Variants in EPHB3 observed in about 807,000 individuals in gnomAD.
EPHB3 encodes the protein ephrin type-B receptor 3.
Under a neutral mutation model 100.2 loss-of-function variants are expected in EPHB3, and 33 were observed. That is an observed-to-expected ratio of 0.33 (90% CI 0.25 to 0.44). The LOEUF (loss-of-function observed/expected upper bound fraction) is 0.44. Ranked by LOEUF, EPHB3 falls within the 20% of genes least tolerant of loss-of-function variation. The probability of loss-of-function intolerance (pLI) is 1.00; values close to 1 mark genes in which losing one functional copy is unlikely to be tolerated. For synonymous variants in EPHB3, 526 were observed against 554.7 expected, an observed-to-expected ratio of 0.95 and a Z score of 0.73; for missense variants, 1,045 against 1,378.3, an observed-to-expected ratio of 0.76 and a Z score of 3.83.
Position 184,581,125 on chromosome 3 carries a change from A to C in EPHB3, c.2692A>C (p.Asn898His). 6.2e-7 allele frequency: 1 copy of C among 1,614,186 alleles called. No individual in the cohort carries two copies. The highest frequency in any genetic ancestry group is 1.1e-5 in the South Asian group (1 of 91,084). The change falls in exon 14 of 16, where the codon AAT becomes CAT. Residue 898 changes from asparagine to histidine, a missense_variant. Transcript: ENST00000330394. ...CAATACCCTGGACAAGCTCATCCGC[A>C]ATGCTGCCAGCCTCAAGGTCATTGC... is the stretch of plus-strand genomic sequence containing the variant. ...IVNTLDKLIRNAASLKVIASA... is the reference protein window; with the variant it reads ...IVNTLDKLIRHAASLKVIASA...
chr3:184,577,558 C>A lies in EPHB3; in HGVS notation c.1479+91C>A. ...CATGATGGGGCCCTTGGGAGCAAGG[C>A]CTTGGGTATGGAGGGGGCATGTGGC... On this transcript the variant is annotated intron_variant, in intron 6 of 15. Transcript: ENST00000330394. The surrounding 1 kb of genome is among the most constrained non-coding windows in gnomAD (Gnocchi z 4.9). 6.3e-7 allele frequency: 1 copy of A among 1,587,422 alleles called. No homozygotes were observed. Among genetic ancestry groups the A allele is most frequent in the Non-Finnish European group, 8.6e-7 (1 of 1,165,442 alleles).
chr3:184,562,176 G>A lies in EPHB3; in HGVS notation c.-60G>A. The A allele has an allele frequency of 3.4e-6, 1 of 290,662 alleles. No homozygotes were observed. Among genetic ancestry groups the A allele is most frequent in the Non-Finnish European group, 5.3e-6 (1 of 187,490 alleles). The allele number at this position is 290,662 out of a possible 1,614,324, so 18.0% of individuals were successfully genotyped here. On this transcript the variant is annotated 5_prime_UTR_variant, in exon 1 of 16. Coordinates refer to ENST00000330394, the MANE Select transcript of EPHB3 (RefSeq NM_004443.4). This position sits in a 1 kb window ranked among gnomAD's most constrained non-coding sequence, Gnocchi z 4.8. Reference sequence around the variant, plus strand: ...GCGCACCCTCTCTCGGGTGCCTGCAGCCCCGCCGGCGCGGCCCGGCCCGGC... The same window carrying A: ...GCGCACCCTCTCTCGGGTGCCTGCAACCCCGCCGGCGCGGCCCGGCCCGGC...
In EPHB3 at chr3:184,575,851, A is replaced by G. The variant is rs751651488; in HGVS notation, c.878A>G (p.Lys293Arg). The G allele has an allele frequency of 2.5e-6, 4 of 1,611,156 alleles. No homozygotes were observed. The highest frequency in any genetic ancestry group is 3.4e-6 in the Non-Finnish European group (4 of 1,178,588). Residue 293 changes from lysine to arginine, a missense_variant, in exon 4 of 16, where the codon AAG becomes AGG. Coordinates refer to ENST00000330394, the MANE Select transcript of EPHB3 (RefSeq NM_004443.4). The part of the protein sequence containing the change: ...QCRPCPPGSY[K>R]AKQGEGPCLP... Reference sequence around the variant, plus strand: ...ACAGCCTGTCCCCCTGGGAGCTACAAGGCGAAGCAGGGAGAGGGGCCCTGC... The same window carrying G: ...ACAGCCTGTCCCCCTGGGAGCTACAGGGCGAAGCAGGGAGAGGGGCCCTGC...
rs1026987955 is a variant in EPHB3 at position 184,572,911 on chromosome 3, C to T, written c.591C>T (p.Gly197=). The T allele has an allele frequency of 8.3e-6, 13 of 1,564,154 alleles. No homozygotes were observed. Among genetic ancestry groups the T allele is most frequent in the South Asian group, 3.6e-5 (3 of 82,712 alleles). ...TCTACCTGGCCTTCCAGGACCAGGG[C>T]GCCTGCATGTCGCTCATCTCCGTGC... The part of the protein sequence containing the change: ...AGFYLAFQDQ[G]ACMSLISVRA... Residue 197 remains glycine, a synonymous_variant, in exon 3 of 16, where the codon GGC becomes GGT. Transcript: ENST00000330394. The surrounding 1 kb of genome is among the most constrained non-coding windows in gnomAD (Gnocchi z 6.6).
At chr3:184,568,080 G>A (rs1368456490) in intron 1 of EPHB3, among the ~76,000 whole-genome samples, 1 of 152,138 alleles carries the variant, frequency 6.6e-6, no homozygotes, top group East Asian at 1.9e-4. Context: ...CCCAGTGGCG[G>A]GGAGTGAGCC....
rs1036010431 is a variant in EPHB3 at position 184,580,582 on chromosome 3, G to A, written c.2353G>A (p.Asp785Asn). The A allele has an allele frequency of 6.2e-6, 10 of 1,614,078 alleles. No homozygotes were observed. In the African/African-American group the frequency reaches 1.3e-4, roughly 22 times the overall value. Residue 785 changes from aspartate to asparagine, a missense_variant, in exon 12 of 16, where the codon GAT becomes AAT. Around this residue, in one of 2 missense-constraint regions of EPHB3, gnomAD observed 985 missense variants for 1,331.1 expected, o/e 0.74. Coordinates refer to ENST00000330394, the MANE Select transcript of EPHB3 (RefSeq NM_004443.4). The part of the protein sequence containing the change: ...SDFGLSRFLE[D>N]DPSDPTYTSS... Reference sequence around the variant, plus strand: ...CTTTGGCCTCTCCCGCTTCCTGGAGGATGACCCCTCCGATCCTACCTACAC... The same window carrying A: ...CTTTGGCCTCTCCCGCTTCCTGGAGAATGACCCCTCCGATCCTACCTACAC...
At position 184,580,709 on chromosome 3, in the gene EPHB3, G is replaced by A; in HGVS notation, c.2389-20G>A. 1 of 1,612,984 alleles carries A rather than the reference G, an allele frequency of 6.2e-7. No individual in the cohort carries two copies. ...GCAGCCCGGAGTCACAGGGTGAAGG[G>A]CCTGTGCCCCCCTCACCAGGGCGGG... is the stretch of plus-strand genomic sequence containing the variant. On this transcript the variant is annotated intron_variant, in intron 12 of 15. Transcript: ENST00000330394.
In EPHB3 at chr3:184,581,359, G is replaced by A. The variant is rs201579004; in HGVS notation, c.2839G>A (p.Val947Ile). The change falls in exon 15 of 16, where the codon GTC becomes ATC. Residue 947 changes from valine (V) to isoleucine (I), a missense_variant. Coordinates refer to ENST00000330394, the MANE Select transcript of EPHB3 (RefSeq NM_004443.4). ...GATGGGGCGGTACAAGGAGAGCTTC[G>A]TCAGTGCGGGGTTTGCATCTTTTGA... ...IKMGRYKESF[V>I]SAGFASFDLV... is the part of the protein sequence containing the mutation. 2.6e-5 allele frequency: 42 copies of A among 1,607,668 alleles called. No homozygotes were observed. Among genetic ancestry groups the A allele is most frequent in the South Asian group, 1.4e-4 (13 of 89,680 alleles).
intron 4 of EPHB3, among the ~76,000 whole-genome samples, chr3:184,576,239 T>TCCTAGCCATGCTCAGGAACTG (rs1714674209): frequency 2.6e-5 from 4 of 151,724 alleles, no homozygotes; most frequent in African/African-American, 7.3e-5. Flanking sequence ...CTCAGGAACT[T>TCCTAGCCATGCTCAGGAACTG]GCTCCTAGCC....
At chr3:184,566,540 A>T (rs561723437) in intron 1 of EPHB3, among the ~76,000 whole-genome samples, 22 of 152,026 alleles carry the variant, frequency 1.4e-4, no homozygotes, top group Non-Finnish European at 3.2e-4. Flanking sequence ...CTTGATCCTC[A>T]CGCTGACCTC....
In EPHB3 at chr3:184,572,548, C is replaced by A. The variant is rs1174892908; in HGVS notation, c.228C>A (p.Arg76=). The A allele has an allele frequency of 6.4e-7, 1 of 1,558,414 alleles. No individual in the cohort carries two copies. Reference sequence around the variant, plus strand: ...ACGATGAGGCCATGAATCCCATCCGCACATACCAGGTGTGTAATGTGCGCG... The same window carrying A: ...ACGATGAGGCCATGAATCCCATCCGAACATACCAGGTGTGTAATGTGCGCG... ...SGYDEAMNPI[R]TYQVCNVRES... is the part of the protein sequence containing the mutation. The change falls in exon 3 of 16, where the codon CGC becomes CGA. Residue 76 remains arginine, a synonymous_variant. Transcript: ENST00000330394. The surrounding 1 kb of genome is among the most constrained non-coding windows in gnomAD (Gnocchi z 6.6).
At chr3:184,566,831 T>C (rs1714396974) in intron 1 of EPHB3, among the ~76,000 whole-genome samples, 1 of 152,314 alleles carries the variant, frequency 6.6e-6, no homozygotes, top group Admixed American at 6.5e-5. Flanking sequence ...TCTTTAGTTG[T>C]TTTGTGTTTC....
Position 184,577,982 on chromosome 3 carries a change from T to C in EPHB3, c.1724T>C (p.Val575Ala), listed in dbSNP as rs1267231212. Residue 575 changes from valine (V) to alanine (A), a missense_variant, in exon 8 of 16, where the codon GTG becomes GCG. Physicochemically the swap from Val to Ala is moderately conservative, Grantham distance 64. This residue lies in a region of EPHB3 where 985 missense variants were observed against 1,331.1 expected (regional missense o/e 0.74). Transcript: ENST00000330394. The surrounding 1 kb of genome is among the most constrained non-coding windows in gnomAD (Gnocchi z 4.9). ...TAGLVFVVAV[V>A]VIAIVCLRKQ... ...GGGCTTGTCTTCGTGGTGGCTGTCG[T>C]GGTCATCGCTATCGTCTGCCTCAGG... 2.5e-6 allele frequency: 4 copies of C among 1,613,858 alleles called. No homozygotes were observed. In the African/African-American group the frequency reaches 5.3e-5, roughly 22 times the overall value.
intron 3 of EPHB3, among the ~76,000 whole-genome samples, chr3:184,574,486 C>T (rs1714625105): frequency 6.6e-6 from 1 of 152,212 alleles, no homozygotes; most frequent in African/African-American, 2.4e-5. Flanking sequence ...CTCTGCCATG[C>T]AGGATGGCAT....
In EPHB3 at chr3:184,578,526, AC is replaced by A; in HGVS notation, c.1801+63del. On this transcript the variant is annotated intron_variant, in intron 9 of 15. Coordinates refer to ENST00000330394, the MANE Select transcript of EPHB3 (RefSeq NM_004443.4). This position sits in a 1 kb window ranked among gnomAD's most constrained non-coding sequence, Gnocchi z 4.7. The stretch of plus-strand genomic sequence containing the variant: ...CCAGCCCCCTGCAGGGCTCTCAGAC[AC>A]CCTTCTCCCTGCCTGGGACTTCATT... 1 of 1,604,870 alleles carries A rather than the reference AC, an allele frequency of 6.2e-7. No homozygotes were observed. The highest frequency in any genetic ancestry group is 1.7e-5 in the Admixed American group (1 of 59,676).
At chr3:184,567,894 A>G (rs1459996361) in intron 1 of EPHB3, among the ~76,000 whole-genome samples, 10 of 152,196 alleles carry the variant, frequency 6.6e-5, no homozygotes, top group Non-Finnish European at 1.5e-4. Flanking sequence ...ATCTCTGTGT[A>G]GGAAAGATTC....
intron 1 of EPHB3, among the ~76,000 whole-genome samples, chr3:184,570,956 CTT>C (rs35707076): frequency 1.9e-4 from 26 of 137,352 alleles, no homozygotes; most frequent in Admixed American, 2.2e-4. Context: ...TTCTTTCTTT[CTT>C]TTTTTTTTTT....
rs1389820335 is a variant in EPHB3 at position 184,575,950 on chromosome 3, G to A, written c.977G>A (p.Arg326His). The A allele has an allele frequency of 1.2e-5, 19 of 1,613,590 alleles. No individual in the cohort carries two copies. Among genetic ancestry groups the A allele is most frequent in the African/African-American group, 2.7e-5 (2 of 74,918 alleles). The change falls in exon 4 of 16, where the codon CGT becomes CAT. Residue 326 changes from arginine to histidine, a missense_variant. Arg to His is a conservative substitution (Grantham distance 29). Transcript: ENST00000330394. ...SICTCHNNFYRADSDSADSAC... is the reference protein window; with the variant it reads ...SICTCHNNFYHADSDSADSAC... Reference sequence around the variant, plus strand: ...TGCACCTGCCACAATAACTTCTACCGTGCAGACTCGGACTCTGCGGACAGT... The same window carrying A: ...TGCACCTGCCACAATAACTTCTACCATGCAGACTCGGACTCTGCGGACAGT...
At position 184,562,378 on chromosome 3, in the gene EPHB3, CG is replaced by C; in HGVS notation, c.118+28del. Reference sequence around the variant, plus strand: ...GGTGAGCGGCGTCGGGGGGCGCGCCCGGGAACAAGGTGCCTGGGGTCGCGGG... The same window carrying C: ...GGTGAGCGGCGTCGGGGGGCGCGCCCGGAACAAGGTGCCTGGGGTCGCGGG... On this transcript the variant is annotated intron_variant, in intron 1 of 15. Transcript: ENST00000330394. The surrounding 1 kb of genome is among the most constrained non-coding windows in gnomAD (Gnocchi z 4.8). 1 of 1,214,250 alleles carries C rather than the reference CG, an allele frequency of 8.2e-7. No individual in the cohort carries two copies. The allele number at this position is 1,214,250 out of a possible 1,614,324, so 75.2% of individuals were successfully genotyped here. A position where few individuals can be genotyped will look rare whatever the true frequency, so the allele number is the denominator to read the frequency against.
Sources: gnomAD v4.1 joint callset for allele counts (sites outside exome capture counted in the v4.1 genomes callset) on GRCh38, gnomAD v4.1.1 for gene constraint, gnomAD v4.1.1 regional missense constraint, Gnocchi (gnomAD v3.1) non-coding constraint, MANE v1.5 for transcripts, NCBI Gene and HGNC (gene_info 2026-07-23, HGNC 2026-07-21) for gene names.